Variants in METAP1 observed in about 807,000 individuals in gnomAD.
METAP1 encodes methionine aminopeptidase 1.
Under a neutral mutation model 53.8 loss-of-function variants are expected in METAP1, and 28 were observed. The observed-to-expected ratio is 0.52, with a 90% CI of 0.39 to 0.71. The LOEUF is 0.71. METAP1 is among the 30% of genes least tolerant of loss of function. METAP1 has a pLI of 0.00. For synonymous variants in METAP1, 181 were observed against 165.7 expected (o/e 1.09, Z -0.71); for missense variants, 389 against 479.8 (o/e 0.81, Z 1.77).
At chr4:99,052,153 AT>A (rs1726760419) in intron 9 of METAP1, among the ~76,000 whole-genome samples, 1 of 152,198 alleles carries the variant, frequency 6.6e-6, no homozygotes, top group Non-Finnish European at 1.5e-5. Flanking sequence ...TAGTCTAACA[AT>A]GCACAACCCT....
Position 99,050,490 on chromosome 4 carries a change from T to C in METAP1, c.931+1614T>C, listed in dbSNP as rs528475294. ...GACGTGGATAGTTGTGAAGAGAAAG[T>C]GAAATGAGTGAGCAACCTTTCTAAG... On this transcript the variant is annotated intron_variant, in intron 9 of 10. Transcript: ENST00000296411. Among the ~76,000 whole-genome samples, 6 of 152,220 alleles carry C rather than the reference T, an allele frequency of 3.9e-5. No individual in the cohort carries two copies. In the South Asian group the frequency reaches 1.2e-3, roughly 32 times the overall value.
At chr4:99,039,276 G>C in intron 4 of METAP1, 98 bp from the exon 5 acceptor site, 1 of 668,926 alleles carries the variant, frequency 1.5e-6, no homozygotes. Context: ...GTGTGAAACA[G>C]TGAGACTACT....
At chr4:99,051,424 T>C (rs889150814) in intron 9 of METAP1, among the ~76,000 whole-genome samples, 1 of 152,274 alleles carries the variant, frequency 6.6e-6, no homozygotes, top group Non-Finnish European at 1.5e-5. Context: ...AGGATCTCGC[T>C]GTGTCGCCTA....
At chr4:98,999,038 C>T (rs998194747) in intron 1 of METAP1, among the ~76,000 whole-genome samples, 13 of 152,082 alleles carry the variant, frequency 8.5e-5, no homozygotes, top group African/African-American at 2.9e-4. Flanking sequence ...AACTGCTGAC[C>T]TCAGGTGATC....
chr4:99,046,951 A>AAAAAAAAG (rs1553946568), intron 8 of METAP1, among the ~76,000 whole-genome samples: 63 of 148,310 alleles, frequency 4.2e-4, no homozygotes, highest in African/African-American at 1.6e-3. Flanking sequence ...AAAAAAAAAA[A>AAAAAAAAG]AAAAAAAGAA....
intron 10 of METAP1, among the ~76,000 whole-genome samples, chr4:99,060,359 G>GC (rs1491525508): frequency 8.9e-6 from 1 of 112,306 alleles, no homozygotes; most frequent in East Asian, 3.0e-4. Flanking sequence ...TTAAGCACAT[G>GC]CTTTTTTTTT....
At position 99,039,358 on chromosome 4, in the gene METAP1, C is replaced by T. The variant is rs148716953; in HGVS notation, c.341-16C>T. ...TTGCATTCATTTTGGTTTTACTTAC[C>T]GAATTTTCATTCCAGGAATGTCTGA... On this transcript the variant is annotated splice_polypyrimidine_tract_variant and intron_variant, in intron 4 of 10. Coordinates refer to ENST00000296411, the MANE Select transcript of METAP1 (RefSeq NM_015143.3). 3.1e-5 allele frequency: 48 copies of T among 1,558,710 alleles called. No individual in the cohort carries two copies. Among genetic ancestry groups the T allele is most frequent in the African/African-American group, 9.5e-5 (7 of 73,450 alleles).
intron 8 of METAP1, among the ~76,000 whole-genome samples, chr4:99,046,936 C>CAAAAAAAAAAAAAAAAAAAAAAAA (rs56702946): frequency 1.2e-5 from 1 of 82,204 alleles, no homozygotes; most frequent in Admixed American, 1.6e-4. Context: ...ACTGAAGAAA[C>CAAAAAAAAAAAAAAAAAAAAAAAA]AAAAAAAAAA....
At chr4:99,021,675 A>G (rs1354840412) in intron 1 of METAP1, among the ~76,000 whole-genome samples, 3 of 152,194 alleles carry the variant, frequency 2.0e-5, no homozygotes, top group Admixed American at 6.5e-5. Flanking sequence ...ACATCCTGAC[A>G]CAATCCCCTA....
At chr4:99,017,080 A>G (rs1329566923) in intron 1 of METAP1, among the ~76,000 whole-genome samples, 1 of 152,244 alleles carries the variant, frequency 6.6e-6, no homozygotes, top group Non-Finnish European at 1.5e-5. Context: ...TCTTTTGGCT[A>G]CCTGATCTGC....
At chr4:99,014,971 G>T (rs564794623) in intron 1 of METAP1, among the ~76,000 whole-genome samples, 3 of 152,314 alleles carry the variant, frequency 2.0e-5, no homozygotes, top group Non-Finnish European at 4.4e-5. Context: ...CCCTCAGGGT[G>T]TTGTACTTCA....
chr4:99,011,481 C>G (rs549218771), intron 1 of METAP1, among the ~76,000 whole-genome samples: 3 of 152,270 alleles, frequency 2.0e-5, no homozygotes, highest in African/African-American at 7.2e-5. Flanking sequence ...TTTGAATATT[C>G]TTGCATTCCT....
chr4:99,049,689 T>A (rs987909828), intron 9 of METAP1, among the ~76,000 whole-genome samples: 1 of 152,134 alleles, frequency 6.6e-6, no homozygotes. Context: ...TTAGCACATA[T>A]ATTTTGAGCC....
intron 4 of METAP1, chr4:99,036,011 G>C (rs1474074502): frequency 6.5e-6 from 1 of 154,342 alleles, no homozygotes; most frequent in Non-Finnish European, 1.5e-5. Flanking sequence ...ACACTGCTGA[G>C]GTAGGTTCTG....
intron 9 of METAP1, among the ~76,000 whole-genome samples, chr4:99,053,368 G>T (rs1726866313): frequency 6.6e-6 from 1 of 152,172 alleles, no homozygotes; most frequent in Non-Finnish European, 1.5e-5. Flanking sequence ...CCCCACCTCA[G>T]CCTCCTGAGT....
intron 9 of METAP1, among the ~76,000 whole-genome samples, chr4:99,055,236 C>T (rs776679157): frequency 6.6e-6 from 1 of 151,810 alleles, no homozygotes; most frequent in East Asian, 1.9e-4. Context: ...ACTAAAAATA[C>T]AAAAATTAGC....
At chr4:99,001,580 G>A (rs1026005819) in intron 1 of METAP1, among the ~76,000 whole-genome samples, 19 of 152,180 alleles carry the variant, frequency 1.2e-4, no homozygotes, top group Non-Finnish European at 2.2e-4. Flanking sequence ...TTTTGGTAGT[G>A]TCATGTCATG....
chr4:99,039,231 C>T, intron 4 of METAP1, 143 bp from the exon 5 acceptor site: 1 of 460,726 alleles, frequency 2.2e-6, no homozygotes, highest in South Asian at 5.0e-5. Context: ...TTTTAAAAAT[C>T]TAACCTAGAC....
intron 1 of METAP1, among the ~76,000 whole-genome samples, chr4:98,996,113 G>A (rs1026794476): frequency 1.3e-5 from 2 of 152,138 alleles, no homozygotes; most frequent in Non-Finnish European, 2.9e-5. Flanking sequence ...CATGTGGGCT[G>A]GGGCGGAAGC....
Sources: gnomAD v4.1 joint callset for allele counts (sites outside exome capture counted in the v4.1 genomes callset) on GRCh38, gnomAD v4.1.1 for gene constraint, MANE v1.5 for transcripts, NCBI Gene and HGNC (gene_info 2026-07-23, HGNC 2026-07-21) for gene names.